CCDC142: variants seen among roughly 807,000 people sequenced by gnomAD.
CCDC142 encodes coiled-coil domain-containing protein 142.
Under a neutral mutation model 83.8 loss-of-function variants are expected in CCDC142, and 67 were observed. The observed-to-expected ratio is 0.80, with a 90% CI of 0.66 to 0.98. The LOEUF is 0.98. CCDC142 is among the 50% of genes least tolerant of loss of function. The pLI is 0.00. For missense variants in CCDC142, 905 were observed against 946.8 expected (o/e 0.96, Z 0.58); for synonymous variants, 421 against 421.2 (o/e 1.00, Z 0.01).
Position 74,474,923 on chromosome 2 carries a change from G to A in CCDC142, c.1989C>T (p.Pro663=). ...LPKSQVHRRP[P]CCCACQEVQT... ...CGAAGGGGAGTAACTCACAGCAACA[G>A]GGGGGCCTCCTGTGGACTTGAGACT... The change falls in exon 8 of 9, where the codon CCC becomes CCT. Residue 663 remains proline (P), a synonymous_variant. Coordinates refer to ENST00000393965, the MANE Select transcript of CCDC142 (RefSeq NM_001365575.2). 6.3e-7 allele frequency: 1 copy of A among 1,593,510 alleles called. No homozygotes were observed. The highest frequency in any genetic ancestry group is 8.6e-7 in the Non-Finnish European group (1 of 1,168,888).
At position 74,482,172 on chromosome 2, in the gene CCDC142, G is replaced by A; in HGVS notation, c.666C>T (p.His222=). 6 of 1,613,724 alleles carry A rather than the reference G, an allele frequency of 3.7e-6. No homozygotes were observed. Among genetic ancestry groups the A allele is most frequent in the African/African-American group, 1.3e-5 (1 of 75,068 alleles). Residue 222 remains histidine (H), a synonymous_variant, in exon 1 of 9, where the codon CAC becomes CAT. Coordinates refer to ENST00000393965, the MANE Select transcript of CCDC142 (RefSeq NM_001365575.2). This position sits in a 1 kb window ranked among gnomAD's most constrained non-coding sequence, Gnocchi z 5.0. ...GGAAAGGACGTGCGGCCCCTGGGAC[G>A]TGGCTCAAGGCTTTTCTCTGTAGTG... The part of the protein sequence containing the change: ...YHTLQRKALS[H]VPGAARPFPT...
At position 74,474,483 on chromosome 2, in the gene CCDC142, T is replaced by C; in HGVS notation, c.*63A>G. On this transcript the variant is annotated 3_prime_UTR_variant, in exon 9 of 9. Coordinates refer to ENST00000393965, the MANE Select transcript of CCDC142 (RefSeq NM_001365575.2). ...GGCTTCCTTAATATGCAATTCCAAA[T>C]GTCTGGATTTTCCAGCTAGAGATGG... 1 of 1,514,520 alleles carries C rather than the reference T, an allele frequency of 6.6e-7. No homozygotes were observed. The highest frequency in any genetic ancestry group is 8.8e-7 in the Non-Finnish European group (1 of 1,137,484). 93.8% of individuals were successfully genotyped at this position (1,514,520 alleles called of 1,614,324 possible).
Position 74,482,081 on chromosome 2 carries a change from C to G in CCDC142, c.757G>C (p.Glu253Gln), listed in dbSNP as rs141622267. ...CTCAACGCCGATCCTTGGAGCGCCTCGTCCAGCCGACTTGCCACCTGGCAA... is the reference window on the plus strand; with the variant it reads ...CTCAACGCCGATCCTTGGAGCGCCTGGTCCAGCCGACTTGCCACCTGGCAA... ...RGCQVASRLD[E>Q]ALQGSALRDQ... The change falls in exon 1 of 9, where the codon GAG (glutamate) becomes CAG (glutamine). Residue 253 changes from glutamate to glutamine, a missense_variant. Transcript: ENST00000393965. The surrounding 1 kb of genome is among the most constrained non-coding windows in gnomAD (Gnocchi z 5.0). 2 of 1,613,526 alleles carry G rather than the reference C, an allele frequency of 1.2e-6. No homozygotes were observed. The highest frequency in any genetic ancestry group is 1.7e-6 in the Non-Finnish European group (2 of 1,179,940).
chr2:74,481,625 G>T, intron 1 of CCDC142, 87 bp from the exon 2 acceptor site: 2 of 1,428,054 alleles, frequency 1.4e-6, no homozygotes, highest in Non-Finnish European at 2.0e-6. Context: ...AAGAAGGCAT[G>T]CTTCCTCCAA....
rs1672247829 is a variant in CCDC142 at position 74,473,827 on chromosome 2, C to G, written c.*719G>C. The G allele has an allele frequency of 7.5e-6, 1 of 132,656 alleles. No individual in the cohort carries two copies. The highest frequency in any genetic ancestry group is 8.9e-5 in the Admixed American group (1 of 11,238). The allele number at this position is 132,656 out of a possible 1,614,324, so 8.2% of individuals were successfully genotyped here. On this transcript the variant is annotated 3_prime_UTR_variant, in exon 9 of 9. Coordinates refer to ENST00000393965, the MANE Select transcript of CCDC142 (RefSeq NM_001365575.2). ...TGCCCTTGTTGCCCAGGCTGGAGTG[C>G]AATGGCACAATCTCGGCTCTCCGCA...
Position 74,482,554 on chromosome 2 carries a change from A to C in CCDC142, c.284T>G (p.Leu95Trp). ...CTCCCGCTCGCGATGCAGCCGCAGC[A>C]ACACCGCCCGGAGACGCTGCAGCGC... ...PPALQRLRAV[L>W]LRLHREREQL... is the part of the protein sequence containing the mutation. The change falls in exon 1 of 9, where the codon TTG becomes TGG. Residue 95 changes from leucine (L) to tryptophan (W), a missense_variant. Leu to Trp is a moderately conservative substitution (Grantham distance 61). Around this residue, in one of 3 missense-constraint regions of CCDC142, gnomAD observed 591 missense variants for 571.4 expected, o/e 1.03. Transcript: ENST00000393965. The surrounding 1 kb of genome is among the most constrained non-coding windows in gnomAD (Gnocchi z 5.0). The C allele has an allele frequency of 6.2e-7, 1 of 1,600,496 alleles. No homozygotes were observed. The highest frequency in any genetic ancestry group is 8.5e-7 in the Non-Finnish European group (1 of 1,173,006).
intron 5 of CCDC142, among the ~76,000 whole-genome samples, chr2:74,477,602 TC>T (rs1435007414): frequency 6.6e-6 from 1 of 152,052 alleles, no homozygotes; most frequent in East Asian, 1.9e-4. Context: ...ACTGCCCACT[TC>T]CAGTAACCCC....
chr2:74,477,671 G>A (rs183860841), intron 5 of CCDC142, among the ~76,000 whole-genome samples: 10 of 152,260 alleles, frequency 6.6e-5, no homozygotes, highest in Admixed American at 3.9e-4. Flanking sequence ...TGTATGGAGC[G>A]TTCTTTAACC....
At chr2:74,478,223 A>C (rs938509328) in intron 5 of CCDC142, among the ~76,000 whole-genome samples, 1 of 150,008 alleles carries the variant, frequency 6.7e-6, no homozygotes, top group Non-Finnish European at 1.5e-5. Flanking sequence ...CACAATGTCC[A>C]GCTAATTTTT....
rs778577013 is a variant in CCDC142, at chr2:74,482,852, A to G, written c.-15T>C. On this transcript the variant is annotated 5_prime_UTR_variant, in exon 1 of 9. Coordinates refer to ENST00000393965, the MANE Select transcript of CCDC142 (RefSeq NM_001365575.2). This position sits in a 1 kb window ranked among gnomAD's most constrained non-coding sequence, Gnocchi z 5.0. ...GCCTGGGCCATGGGGCGGCGGGTCC[A>G]GAACGAACCTAACGATTCCCACTTC... 1.3e-4 allele frequency: 209 copies of G among 1,592,886 alleles called. No homozygotes were observed. Among genetic ancestry groups the G allele is most frequent in the Non-Finnish European group, 1.7e-4 (197 of 1,176,266 alleles).
At chr2:74,479,422 A>G (rs563103322) in intron 5 of CCDC142, among the ~76,000 whole-genome samples, 27 of 152,370 alleles carry the variant, frequency 1.8e-4, no homozygotes, top group Non-Finnish European at 3.1e-4. Flanking sequence ...GAAAAAGTAT[A>G]ATGGCTTTAT....
chr2:74,482,270 C>G lies in CCDC142; in HGVS notation c.568G>C (p.Gly190Arg). ...AGGCCCGGGCTGGCGGGCTCCCGGC[C>G]GAGAGCGCGAAGCTGCATCTCGATG... ...AVIEMQLRAL[G>R]REPASPGLSS... The change falls in exon 1 of 9, where the codon GGC (glycine) becomes CGC (arginine). Residue 190 changes from glycine to arginine, a missense_variant. By Grantham distance (125) the Gly-to-Arg change is moderately radical. This residue lies in a region of CCDC142 where 591 missense variants were observed against 571.4 expected (regional missense o/e 1.03). Coordinates refer to ENST00000393965, the MANE Select transcript of CCDC142 (RefSeq NM_001365575.2). The surrounding 1 kb of genome is among the most constrained non-coding windows in gnomAD (Gnocchi z 5.0). 1 of 1,612,670 alleles carries G rather than the reference C, an allele frequency of 6.2e-7. No individual in the cohort carries two copies. The highest frequency in any genetic ancestry group is 8.5e-7 in the Non-Finnish European group (1 of 1,179,814).
rs1672445786 is a variant in CCDC142, at chr2:74,481,275, G to C, written c.1206C>G (p.Leu402=). 1.2e-6 allele frequency: 2 copies of C among 1,614,068 alleles called. No individual in the cohort carries two copies. Among genetic ancestry groups the C allele is most frequent in the African/African-American group, 2.7e-5 (2 of 74,912 alleles). Residue 402 remains leucine, a synonymous_variant, in exon 3 of 9, where the codon CTC becomes CTG. Transcript: ENST00000393965. ...AELLQQLFPP[L]LDALREPRLR... is the part of the protein sequence containing the mutation. ...ACCTGGGCTCTCGAAGGGCATCCAA[G>C]AGAGGAGGAAAGAGCTGCTGCAAAA... is the stretch of plus-strand genomic sequence containing the variant.
Position 74,481,820 on chromosome 2 carries a change from G to C in CCDC142, c.1018C>G (p.Gln340Glu). 6.2e-7 allele frequency: 1 copy of C among 1,609,230 alleles called. No individual in the cohort carries two copies. The highest frequency in any genetic ancestry group is 1.1e-5 in the South Asian group (1 of 90,696). ...TAQQLSQALG[Q>E]ASLPQECEKE... ...CCCACCCAAGCCCATCACTCACCCT[G>C]ACCCAGTGCCTGACTCAGCTGTTGC... The change falls in exon 1 of 9, where the codon CAG becomes GAG. Residue 340 changes from glutamine to glutamate, a missense_variant. By Grantham distance (29) the Gln-to-Glu change is conservative. Around this residue, in one of 3 missense-constraint regions of CCDC142, gnomAD observed 591 missense variants for 571.4 expected, o/e 1.03. Coordinates refer to ENST00000393965, the MANE Select transcript of CCDC142 (RefSeq NM_001365575.2).
intron 3 of CCDC142, 42 bp from the exon 4 acceptor site, chr2:74,481,128 G>T: frequency 6.2e-7 from 1 of 1,608,806 alleles, no homozygotes; most frequent in Non-Finnish European, 8.5e-7. Context: ...AGGGGTCATG[G>T]AGTACCTTTG....
At chr2:74,475,140 C>T (rs1275734681) in intron 7 of CCDC142, 25 bp from the exon 8 acceptor site, 2 of 1,610,642 alleles carry the variant, frequency 1.2e-6, no homozygotes, top group Admixed American at 3.3e-5. Flanking sequence ...ACAGTATGGC[C>T]ACTTGACCCT....
rs890414061 is a variant in CCDC142, at chr2:74,475,541, G to A, written c.1618+71C>T. 9.5e-6 allele frequency: 14 copies of A among 1,476,050 alleles called. No homozygotes were observed. The Admixed American group carries it at 2.1e-4, about 22-fold the overall frequency. The allele number at this position is 1,476,050 out of a possible 1,614,324, so 91.4% of individuals were successfully genotyped here. A position where few individuals can be genotyped will look rare whatever the true frequency, so the allele number is the denominator to read the frequency against. ...AGGATGGAGACAGTGGAGGGGAACC[G>A]GAATTTGGAAGGGCTGAGACACTAT... On this transcript the variant is annotated intron_variant, in intron 6 of 8. Transcript: ENST00000393965.
chr2:74,481,301 G>C lies in CCDC142; in HGVS notation c.1180C>G (p.Leu394Val), dbSNP rs1467617215. The change falls in exon 3 of 9, where the codon CTT becomes GTT. Residue 394 changes from leucine to valine, a missense_variant. Leu to Val is a conservative substitution (Grantham distance 32). This residue lies in a region of CCDC142 where 591 missense variants were observed against 571.4 expected (regional missense o/e 1.03). Coordinates refer to ENST00000393965, the MANE Select transcript of CCDC142 (RefSeq NM_001365575.2). ...AGAGGAGGAAAGAGCTGCTGCAAAA[G>C]TTCAGCAGTGCCAGAGGATGTGGGA... ...SLPTSSGTAELLQQLFPPLLD... is the reference protein window; with the variant it reads ...SLPTSSGTAEVLQQLFPPLLD... 1 of 1,614,164 alleles carries C rather than the reference G, an allele frequency of 6.2e-7. No homozygotes were observed. The highest frequency in any genetic ancestry group is 8.5e-7 in the Non-Finnish European group (1 of 1,180,034).
Position 74,481,818 on chromosome 2 carries a change from C to T in CCDC142, c.1020G>A (p.Gln340=). The change falls in exon 1 of 9, where the codon CAG becomes CAA. Residue 340 remains glutamine, a splice_region_variant and synonymous_variant. Transcript: ENST00000393965. ...TAQQLSQALG[Q]ASLPQECEKE... Reference sequence around the variant, plus strand: ...CGCCCACCCAAGCCCATCACTCACCCTGACCCAGTGCCTGACTCAGCTGTT... The same window carrying T: ...CGCCCACCCAAGCCCATCACTCACCTTGACCCAGTGCCTGACTCAGCTGTT... 6.2e-7 allele frequency: 1 copy of T among 1,608,756 alleles called. No homozygotes were observed. The highest frequency in any genetic ancestry group is 1.7e-5 in the Admixed American group (1 of 59,834).
Sources: allele counts gnomAD v4.1 joint callset (sites outside exome capture counted in the v4.1 genomes callset), GRCh38; gene constraint gnomAD v4.1.1; regional missense constraint gnomAD v4.1.1; non-coding constraint Gnocchi (gnomAD v3.1); transcripts MANE v1.5; gene names NCBI Gene and HGNC (gene_info 2026-07-23, HGNC 2026-07-21).